The following L3MBTL1 variants were observed in gnomAD, a reference collection of about 807,000 sequenced individuals.
L3MBTL1 encodes the protein L3MBTL histone methyl-lysine binding protein 1, also known as lethal(3)malignant brain tumor-like protein 1.
Under a neutral mutation model 105.3 loss-of-function variants are expected in L3MBTL1, and 75 were observed. The observed-to-expected ratio is 0.71, with a 90% CI of 0.59 to 0.86. L3MBTL1 has a LOEUF of 0.86. Among genes scored for constraint, L3MBTL1 ranks in the 40% least tolerant of loss-of-function variants. The pLI, the probability that L3MBTL1 is intolerant of heterozygous loss-of-function variation, is 0.00. For missense variants in L3MBTL1, 1,069 were observed against 1,126.4 expected (o/e 0.95, Z 0.73); for synonymous variants, 452 against 436.2 (o/e 1.04, Z -0.45).
At chr20:43,516,021 C>T in intron 6 of L3MBTL1, 72 bp from the exon 7 acceptor site, 1 of 1,183,354 alleles carries the variant, frequency 8.5e-7, no homozygotes, top group Non-Finnish European at 1.3e-6. Context: ...CAGGTAGGGG[C>T]CAGGATCAGA....
Position 43,536,420 on chromosome 20 carries a change from C to T in L3MBTL1, c.2135C>T (p.Pro712Leu). The change falls in exon 19 of 22, where the codon CCT becomes CTT. Residue 712 changes from proline to leucine, a missense_variant. Coordinates refer to ENST00000418998, the MANE Select transcript of L3MBTL1 (RefSeq NM_001377303.1). ...CCGTCTTTCTCCAGAATTGGACGCC[C>T]TCCGAAGTATCGAAAGATTCCGCAG... ...KPRHHGRIGR[P>L]PKYRKIPQED... 3 of 1,614,078 alleles carry T rather than the reference C, an allele frequency of 1.9e-6. No individual in the cohort carries two copies. Among genetic ancestry groups the T allele is most frequent in the Non-Finnish European group, 2.5e-6 (3 of 1,180,038 alleles).
intron 7 of L3MBTL1, among the ~76,000 whole-genome samples, chr20:43,525,566 G>A (rs2018986819): frequency 7.7e-6 from 1 of 130,712 alleles, no homozygotes; most frequent in Non-Finnish European, 1.8e-5. Flanking sequence ...CCATACACAG[G>A]AGCCTTGGGA....
At chr20:43,547,281 T>G (rs140554567) in intron 18 of L3MBTL1, among the ~76,000 whole-genome samples, 3,436 of 152,160 alleles carry the variant, frequency 0.023, 115 homozygotes, top group African/African-American at 0.077. Flanking sequence ...ATTTTTTGTA[T>G]TTTTAGTAGA....
intron 7 of L3MBTL1, among the ~76,000 whole-genome samples, chr20:43,519,176 A>G (rs2018573141): frequency 6.6e-6 from 1 of 151,540 alleles, no homozygotes. Context: ...GTCTCTGCAA[A>G]AAATACAAAT....
rs11476429 is a variant in L3MBTL1, at chr20:43,510,406, CTTTTTT to C, written c.-29+2673_-29+2678del. Among the ~76,000 whole-genome samples the C allele has an allele frequency of 3.2e-3, 409 of 127,574 alleles. 1 individual carries two copies. Among genetic ancestry groups the C allele is most frequent in the Non-Finnish European group, 4.9e-3 (306 of 62,002 alleles). 83.7% of individuals were successfully genotyped at this position (127,574 alleles called of 152,430 possible). On this transcript the variant is annotated intron_variant, in intron 1 of 21. Coordinates refer to ENST00000418998, the MANE Select transcript of L3MBTL1 (RefSeq NM_001377303.1). The stretch of plus-strand genomic sequence containing the variant: ...TATAATTTTCTTTCTTTCTTTCTTT[CTTTTTT>C]TTTTTTTTTTGAGGTGGAGTCTTAT...
In L3MBTL1 at chr20:43,515,080, C is replaced by T; in HGVS notation, c.574C>T (p.Gln192Ter). ...PPEDDSTCQC[Q>*]ACGPHQAAGP... ...AGAGGATGATAGCACCTGTCAGTGC[C>T]AGGCGTGCGGGCCTCACCAAGCCGC... Residue 192 changes from glutamine (Q) to a stop codon, truncating the protein, a stop_gained, in exon 5 of 22, where the codon CAG (glutamine) becomes TAG (stop). Coordinates refer to ENST00000418998, the MANE Select transcript of L3MBTL1 (RefSeq NM_001377303.1). LOFTEE classifies it high-confidence loss of function. 1 of 1,614,140 alleles carries T rather than the reference C, an allele frequency of 6.2e-7. No homozygotes were observed. Among genetic ancestry groups the T allele is most frequent in the East Asian group, 2.2e-5 (1 of 44,884 alleles).
chr20:43,513,835 C>T lies in L3MBTL1; in HGVS notation c.137-3C>T. Reference sequence around the variant, plus strand: ...TCGTGTCTATTTGTATATCTGTTTACAGCCAGTTCGGCCACCCTCGGCCTG... The same window carrying T: ...TCGTGTCTATTTGTATATCTGTTTATAGCCAGTTCGGCCACCCTCGGCCTG... On this transcript the variant is annotated splice_polypyrimidine_tract_variant and splice_region_variant and intron_variant, in intron 2 of 21. Transcript: ENST00000418998. The T allele has an allele frequency of 6.4e-7, 1 of 1,550,588 alleles. No homozygotes were observed. Among genetic ancestry groups the T allele is most frequent in the Non-Finnish European group, 8.7e-7 (1 of 1,146,950 alleles).
At chr20:43,530,483 T>G in intron 10 of L3MBTL1, 64 bp downstream of exon 10, 1 of 1,544,218 alleles carries the variant, frequency 6.5e-7, no homozygotes, top group Non-Finnish European at 8.8e-7. Flanking sequence ...CTTCTTCCCC[T>G]TGGGTCCCCG....
At chr20:43,531,250 G>A (rs1008541852) in intron 11 of L3MBTL1, 3 of 199,044 alleles carry the variant, frequency 1.5e-5, no homozygotes, top group Non-Finnish European at 3.1e-5. Context: ...CTCTATTCTG[G>A]GAGCTTCTTT....
intron 9 of L3MBTL1, 79 bp downstream of exon 9, chr20:43,529,447 A>G: frequency 1.0e-6 from 1 of 968,560 alleles, no homozygotes; most frequent in Non-Finnish European, 1.6e-6. Flanking sequence ...ACATAGAAGG[A>G]AACACCTCCC....
rs780759216 is a variant in L3MBTL1 at position 43,534,818 on chromosome 20, TC to T, written c.1711-8del. The T allele has an allele frequency of 2.5e-6, 4 of 1,601,168 alleles. No individual in the cohort carries two copies. The South Asian group carries it at 3.3e-5, about 13-fold the overall frequency. ...GAAACGCCTGACTTCCAAGAGCCTT[TC>T]CTCCCCAGATCCACTTTGATGGCTG... On this transcript the variant is annotated splice_polypyrimidine_tract_variant and intron_variant, in intron 15 of 21. Transcript: ENST00000418998.
chr20:43,507,727 C>A lies in L3MBTL1; in HGVS notation c.-46C>A, dbSNP rs1423416474. 1 of 152,116 alleles carries A rather than the reference C, an allele frequency of 6.6e-6. No homozygotes were observed. The highest frequency in any genetic ancestry group is 1.5e-5 in the Non-Finnish European group (1 of 68,008). The allele number at this position is 152,116 out of a possible 1,614,324, so 9.4% of individuals were successfully genotyped here. A position where few individuals can be genotyped will look rare whatever the true frequency, so the allele number is the denominator to read the frequency against. ...GGACCGTAGCTAGGCGCTGGGCGGC[C>A]ACCGGCTGGCCAGGCAGGTAAGCAA... On this transcript the variant is annotated 5_prime_UTR_variant, in exon 1 of 22. Transcript: ENST00000418998.
At chr20:43,514,187 G>A (rs1166696531) in intron 3 of L3MBTL1, 126 bp downstream of exon 3, 2 of 888,178 alleles carry the variant, frequency 2.3e-6, no homozygotes, top group African/African-American at 3.4e-5. Context: ...CCTAGGGGTG[G>A]GCTTTGAGTG....
At chr20:43,545,571 G>A (rs1160659753), downstream of L3MBTL1, among the ~76,000 whole-genome samples, 1 of 152,142 alleles carries the variant, frequency 6.6e-6, no homozygotes, top group Non-Finnish European at 1.5e-5. Flanking sequence ...CTTCCCCATC[G>A]AGGAGGTGCT....
downstream of L3MBTL1, among the ~76,000 whole-genome samples, chr20:43,545,059 C>G (rs367838046): frequency 5.9e-5 from 9 of 152,108 alleles, no homozygotes; most frequent in African/African-American, 2.2e-4. Flanking sequence ...TCCTGAACTT[C>G]GAGATCTCCC....
chr20:43,526,815 G>A (rs1466507527), intron 7 of L3MBTL1, among the ~76,000 whole-genome samples: 3 of 152,234 alleles, frequency 2.0e-5, no homozygotes, highest in African/African-American at 4.8e-5. Context: ...GCCATGTGTA[G>A]TGGTGGGCAC....
intron 20 of L3MBTL1, 124 bp from the exon 21 acceptor site, chr20:43,540,629 C>A: frequency 1.1e-6 from 1 of 934,340 alleles, no homozygotes; most frequent in Non-Finnish European, 1.6e-6. Context: ...ACCCTAGGAT[C>A]CTTTTAGGCT....
intron 1 of L3MBTL1, among the ~76,000 whole-genome samples, chr20:43,508,064 T>C (rs934464137): frequency 1.3e-5 from 2 of 152,330 alleles, no homozygotes; most frequent in East Asian, 1.9e-4. Flanking sequence ...TAAGAGTTTT[T>C]TTATTAATGG....
intron 18 of L3MBTL1, among the ~76,000 whole-genome samples, chr20:43,547,096 T>A (rs2145507641): frequency 1.3e-5 from 2 of 150,888 alleles, no homozygotes; most frequent in East Asian, 1.9e-4. Context: ...TTTCCTTTTT[T>A]AATGACTTTT....
Sources: gnomAD v4.1 joint callset for allele counts (sites outside exome capture counted in the v4.1 genomes callset) on GRCh38, gnomAD v4.1.1 for gene constraint, MANE v1.5 for transcripts, NCBI Gene and HGNC (gene_info 2026-07-23, HGNC 2026-07-21) for gene names.